L3MBTL4: variants seen among roughly 807,000 people sequenced by gnomAD.
The protein encoded by L3MBTL4 is lethal(3)malignant brain tumor-like protein 4.
L3MBTL4 carries 70 observed loss-of-function variants against 84.5 expected under a neutral mutation model. The observed-to-expected ratio is 0.83, with a 90% CI of 0.68 to 1.01. The LOEUF is 1.01. Ranked by LOEUF, L3MBTL4 falls within the 50% of genes least tolerant of loss-of-function variation. L3MBTL4 has a pLI of 0.00. For missense variants in L3MBTL4, 715 were observed against 754.8 expected, an observed-to-expected ratio of 0.95 and a Z score of 0.62; for synonymous variants, 274 against 259.8, an observed-to-expected ratio of 1.05 and a Z score of -0.52.
In L3MBTL4 at chr18:6,234,413, C is replaced by T. The variant is rs150123551; in HGVS notation, c.784+3551G>A. Among the ~76,000 whole-genome samples, 461 of 152,244 alleles carry T rather than the reference C, an allele frequency of 3.0e-3. 2 individuals carry two copies. The highest frequency in any genetic ancestry group is 0.011 in the African/African-American group (441 of 41,538). ...AATGGGAGAAAATGTTTGCAATCTA[C>T]TCATCTGACAAAGGGCTAATATCCA... On this transcript the variant is annotated intron_variant, in intron 10 of 18. Coordinates refer to ENST00000317931, the MANE Select transcript of L3MBTL4 (RefSeq NM_001330559.2).
intron 4 of L3MBTL4, among the ~76,000 whole-genome samples, chr18:6,286,065 C>T (rs894370625): frequency 4.6e-5 from 7 of 151,542 alleles, no homozygotes; most frequent in Non-Finnish European, 1.0e-4. Context: ...TTCTTGACCT[C>T]GTGATCCGCC....
chr18:6,333,478 G>A (rs1389055885), intron 1 of L3MBTL4, among the ~76,000 whole-genome samples: 2 of 151,994 alleles, frequency 1.3e-5, no homozygotes, highest in East Asian at 3.9e-4. Context: ...GGGAGGCTGA[G>A]GCAGGAGAAT....
intron 4 of L3MBTL4, among the ~76,000 whole-genome samples, chr18:6,287,765 A>G (rs1439482543): frequency 6.6e-6 from 1 of 152,226 alleles, no homozygotes; most frequent in Non-Finnish European, 1.5e-5. Flanking sequence ...TTGCCAATAC[A>G]GGATATTGGT....
At chr18:5,958,158 A>G (rs1290056907) in intron 18 of L3MBTL4, among the ~76,000 whole-genome samples, 3 of 67,446 alleles carry the variant, frequency 4.4e-5, no homozygotes, top group African/African-American at 1.7e-4. Context: ...GAAGAAGAAG[A>G]ACAAGAAGAA....
intron 16 of L3MBTL4, among the ~76,000 whole-genome samples, chr18:6,071,819 A>AGAAAG (rs1568067254): frequency 2.2e-4 from 27 of 124,456 alleles, no homozygotes; most frequent in African/African-American, 8.9e-4. Context: ...AAGAAAGGAA[A>AGAAAG]GAAAGAAAGA....
chr18:6,355,079 A>G (rs1475128354), intron 1 of L3MBTL4, among the ~76,000 whole-genome samples: 1 of 152,214 alleles, frequency 6.6e-6, no homozygotes, highest in Non-Finnish European at 1.5e-5. Context: ...TGGTACTTAT[A>G]CACAGTGGAG....
In L3MBTL4 at chr18:5,988,731, G is replaced by A. The variant is rs568439305; in HGVS notation, c.1445-19169C>T. 1.2e-4 allele frequency among the ~76,000 whole-genome samples: 18 copies of A among 152,256 alleles called. No individual in the cohort carries two copies. In the South Asian group the frequency reaches 3.5e-3, roughly 30 times the overall value. On this transcript the variant is annotated intron_variant, in intron 16 of 18. Transcript: ENST00000317931. ...TAAGTAATATAGGTGGGCTAGATCA[G>A]GGGTTGTCAAGTCAGATTAGAATCA...
In L3MBTL4 at chr18:5,969,442, C is replaced by T; in HGVS notation, c.1565G>A (p.Gly522Asp). The T allele has an allele frequency of 6.2e-7, 1 of 1,613,916 alleles. No individual in the cohort carries two copies. The highest frequency in any genetic ancestry group is 1.3e-5 in the African/African-American group (1 of 75,036). ...TTGGCTGGCCCGGATGTCAGCCACG[C>T]CTGGAAGCAACTTGCAGTGTTGCTC... ...GREQHCKLLP[G>D]VADIRASQVA... The change falls in exon 17 of 19, where the codon GGC becomes GAC. Residue 522 changes from glycine to aspartate, a missense_variant. Coordinates refer to ENST00000317931, the MANE Select transcript of L3MBTL4 (RefSeq NM_001330559.2).
intron 6 of L3MBTL4, 134 bp downstream of exon 6, chr18:6,244,350 C>A: frequency 1.9e-6 from 1 of 522,636 alleles, no homozygotes. Context: ...ATAGTTTCAC[C>A]CATCGCTGAC....
intron 4 of L3MBTL4, among the ~76,000 whole-genome samples, chr18:6,299,301 T>C (rs1045464162): frequency 2.6e-5 from 4 of 152,232 alleles, no homozygotes; most frequent in African/African-American, 7.2e-5. Context: ...GCAGACACCA[T>C]TAATACTTTA....
intron 1 of L3MBTL4, among the ~76,000 whole-genome samples, chr18:6,390,084 A>G (rs2054983927): frequency 1.3e-5 from 2 of 152,184 alleles, no homozygotes; most frequent in African/African-American, 4.8e-5. Flanking sequence ...TAAAAACTGA[A>G]GTCATATCAA....
At chr18:6,401,077 C>T (rs1041733537) in intron 1 of L3MBTL4, among the ~76,000 whole-genome samples, 2 of 152,146 alleles carry the variant, frequency 1.3e-5, no homozygotes, top group Admixed American at 1.3e-4. Context: ...CTTCATAAAA[C>T]CACGTGCCCT....
At chr18:6,179,389 AAT>A (rs1386264793) in intron 12 of L3MBTL4, among the ~76,000 whole-genome samples, 1 of 152,162 alleles carries the variant, frequency 6.6e-6, no homozygotes, top group Non-Finnish European at 1.5e-5. Flanking sequence ...ACTGGGTTTT[AAT>A]ATGTTTTCCT....
intron 5 of L3MBTL4, chr18:6,260,026 C>A (rs559570034): frequency 6.6e-6 from 1 of 152,280 alleles, no homozygotes; most frequent in South Asian, 2.1e-4. Flanking sequence ...GCTATCCCAG[C>A]ACCATTTATT....
At chr18:6,096,019 T>C (rs898988906) in intron 14 of L3MBTL4, among the ~76,000 whole-genome samples, 3 of 152,180 alleles carry the variant, frequency 2.0e-5, no homozygotes, top group African/African-American at 7.2e-5. Flanking sequence ...TTGCTATCCA[T>C]CTAGCACACA....
intron 10 of L3MBTL4, among the ~76,000 whole-genome samples, chr18:6,235,289 G>A (rs569111125): frequency 2.6e-5 from 4 of 152,166 alleles, no homozygotes; most frequent in Admixed American, 6.5e-5. Context: ...CGCACATTGT[G>A]CACATGTACC....
At chr18:6,386,860 T>C (rs974184073) in intron 1 of L3MBTL4, among the ~76,000 whole-genome samples, 1 of 151,970 alleles carries the variant, frequency 6.6e-6, no homozygotes, top group Non-Finnish European at 1.5e-5. Flanking sequence ...ATGAATGACA[T>C]GAGAATGAGA....
In L3MBTL4 at chr18:6,364,217, G is replaced by A. The variant is rs539555258; in HGVS notation, c.-91+50584C>T. 1.7e-4 allele frequency among the ~76,000 whole-genome samples: 26 copies of A among 152,032 alleles called. No homozygotes were observed. The South Asian group carries it at 4.6e-3, about 27-fold the overall frequency. On this transcript the variant is annotated intron_variant, in intron 1 of 18. Transcript: ENST00000317931. ...ACTTGCAAAAATGTGAAACAACGCC[G>A]CTCTAGTCACTAAATATTTTTGTTT...
At chr18:6,399,160 C>T (rs2055406058) in intron 1 of L3MBTL4, among the ~76,000 whole-genome samples, 1 of 152,210 alleles carries the variant, frequency 6.6e-6, no homozygotes, top group South Asian at 2.1e-4. Context: ...AAAAAGGACA[C>T]TGGGCTTGGT....
Sources: gnomAD v4.1 joint callset for allele counts (sites outside exome capture counted in the v4.1 genomes callset) on GRCh38, gnomAD v4.1.1 for gene constraint, MANE v1.5 for transcripts, NCBI Gene and HGNC (gene_info 2026-07-23, HGNC 2026-07-21) for gene names.